Variants in JAKMIP2 observed in about 807,000 individuals in gnomAD.
The protein encoded by JAKMIP2 is janus kinase and microtubule-interacting protein 2.
Under a neutral mutation model 115.0 loss-of-function variants are expected in JAKMIP2, and 25 were observed. That is an observed-to-expected ratio of 0.22 (90% CI 0.16 to 0.30). JAKMIP2 has a LOEUF of 0.30. Ranked by LOEUF, JAKMIP2 falls within the 10% of genes least tolerant of loss-of-function variation. The pLI is 1.00. For synonymous variants in JAKMIP2, 334 were observed against 343.6 expected, an observed-to-expected ratio of 0.97 and a Z score of 0.31; for missense variants, 642 against 957.6, an observed-to-expected ratio of 0.67 and a Z score of 4.35.
intron 1 of JAKMIP2, among the ~76,000 whole-genome samples, chr5:147,731,077 T>A (rs1375809432): frequency 6.6e-6 from 1 of 152,100 alleles, no homozygotes; most frequent in Non-Finnish European, 1.5e-5. Context: ...ACAAAATGAA[T>A]GGGCAGGAAA....
chr5:147,667,036 T>G, intron 2 of JAKMIP2, among the ~76,000 whole-genome samples: 1 of 152,154 alleles, frequency 6.6e-6, no homozygotes, highest in East Asian at 1.9e-4. Context: ...ATTAAGATGG[T>G]AACTGTTTTT....
At chr5:147,611,291 T>A (rs866744699) in intron 20 of JAKMIP2, among the ~76,000 whole-genome samples, 8 of 152,306 alleles carry the variant, frequency 5.3e-5, no homozygotes, top group Middle Eastern at 6.8e-3. Context: ...AGTTTTGTGC[T>A]TGAAACCCAG....
intron 3 of JAKMIP2, among the ~76,000 whole-genome samples, chr5:147,658,181 T>G (rs1391000333): frequency 1.7e-4 from 26 of 152,176 alleles, no homozygotes; most frequent in Admixed American, 1.7e-3. Context: ...GGGGTTTTTG[T>G]GGGAGGGTCT....
chr5:147,781,774 C>T lies in JAKMIP2; in HGVS notation c.-149+682G>A, dbSNP rs539989696. Among the ~76,000 whole-genome samples, 131 of 152,172 alleles carry T rather than the reference C, an allele frequency of 8.6e-4. 1 individual carries two copies. Among genetic ancestry groups the T allele is most frequent in the African/African-American group, 2.9e-3 (122 of 41,528 alleles). On this transcript the variant is annotated intron_variant, in intron 1 of 21. Coordinates refer to ENST00000616793, the MANE Select transcript of JAKMIP2 (RefSeq NM_001270941.2). ...CAGGCATGCAAGGACATATGTAACCCATAAAAATGGTTGCAAAGCACACCC... is the reference window on the plus strand; with the variant it reads ...CAGGCATGCAAGGACATATGTAACCTATAAAAATGGTTGCAAAGCACACCC...
At chr5:147,689,756 T>C (rs540781981) in intron 1 of JAKMIP2, among the ~76,000 whole-genome samples, 4 of 152,294 alleles carry the variant, frequency 2.6e-5, no homozygotes, top group Admixed American at 6.5e-5. Flanking sequence ...ATTAAGAGGA[T>C]AATAGTTACA....
chr5:147,723,719 T>C (rs951302874), intron 1 of JAKMIP2, among the ~76,000 whole-genome samples: 1 of 152,200 alleles, frequency 6.6e-6, no homozygotes, highest in South Asian at 2.1e-4. Context: ...GCAGTCTGTA[T>C]AACCATTATT....
chr5:147,648,674 G>C (rs891893834), intron 4 of JAKMIP2, among the ~76,000 whole-genome samples, 200 bp from the exon 5 acceptor site: 1 of 152,104 alleles, frequency 6.6e-6, no homozygotes, highest in African/African-American at 2.4e-5. Flanking sequence ...TGAAGACCAC[G>C]CCAGGTTGTA....
chr5:147,707,629 T>G (rs1752630476), intron 1 of JAKMIP2, among the ~76,000 whole-genome samples: 1 of 152,148 alleles, frequency 6.6e-6, no homozygotes, highest in African/African-American at 2.4e-5. Flanking sequence ...TGGTACACTC[T>G]CCCTGGTAAC....
chr5:147,664,079 T>C (rs1759173862), intron 2 of JAKMIP2, among the ~76,000 whole-genome samples: 1 of 152,234 alleles, frequency 6.6e-6, no homozygotes, highest in Non-Finnish European at 1.5e-5. Flanking sequence ...TTCTAAACGA[T>C]ATTATTACAA....
intron 1 of JAKMIP2, among the ~76,000 whole-genome samples, chr5:147,681,095 C>T (rs1660663442): frequency 6.6e-6 from 1 of 152,010 alleles, no homozygotes; most frequent in Admixed American, 6.5e-5. Flanking sequence ...GAAAAGAATG[C>T]TATATAAATA....
At position 147,585,970 on chromosome 5, in the gene JAKMIP2, A is replaced by T. The variant is rs899676390; in HGVS notation, c.*5737T>A. ...CTGAACTTTCTGTTGCTCTTTCAAA[A>T]AAAAGAAACATCAACCAACCAACCA... On this transcript the variant is annotated 3_prime_UTR_variant, in exon 22 of 22. Coordinates refer to ENST00000616793, the MANE Select transcript of JAKMIP2 (RefSeq NM_001270941.2). 2.0e-5 allele frequency: 3 copies of T among 151,774 alleles called. No individual in the cohort carries two copies. Among genetic ancestry groups the T allele is most frequent in the East Asian group, 4.0e-4 (2 of 5,036 alleles). The allele number at this position is 151,774 out of a possible 1,614,324, so 9.4% of individuals were successfully genotyped here.
At chr5:147,605,602 C>T (rs1034630763) in intron 20 of JAKMIP2, among the ~76,000 whole-genome samples, 2 of 152,100 alleles carry the variant, frequency 1.3e-5, no homozygotes, top group African/African-American at 2.4e-5. Flanking sequence ...AATAAACATA[C>T]GTGTGCATAG....
intron 1 of JAKMIP2, among the ~76,000 whole-genome samples, chr5:147,695,382 A>ATGAGG (rs1392239992): frequency 6.6e-6 from 1 of 152,158 alleles, no homozygotes; most frequent in Non-Finnish European, 1.5e-5. Context: ...CTCCAGATAG[A>ATGAGG]TGAGGTTTAT....
In JAKMIP2 at chr5:147,590,290, T is replaced by C. The variant is rs1755049615; in HGVS notation, c.*1417A>G. ...AATAAAACTTCAAAAATTTGAAAAATTGAGGTTGTTCTGTTATCTACAGTA... is the reference window on the plus strand; with the variant it reads ...AATAAAACTTCAAAAATTTGAAAAACTGAGGTTGTTCTGTTATCTACAGTA... On this transcript the variant is annotated 3_prime_UTR_variant, in exon 22 of 22. Transcript: ENST00000616793. The C allele has an allele frequency of 6.6e-6, 1 of 152,172 alleles. No homozygotes were observed. Among genetic ancestry groups the C allele is most frequent in the African/African-American group, 2.4e-5 (1 of 41,432 alleles). 9.4% of individuals were successfully genotyped at this position (152,172 alleles called of 1,614,324 possible). A position where few individuals can be genotyped will look rare whatever the true frequency, so the allele number is the denominator to read the frequency against.
intron 1 of JAKMIP2, among the ~76,000 whole-genome samples, chr5:147,720,982 A>G (rs1382135862): frequency 6.6e-6 from 1 of 151,260 alleles, no homozygotes; most frequent in Non-Finnish European, 1.5e-5. Context: ...TTGTGGTTTT[A>G]TCTACTTTTG....
At chr5:147,766,585 T>G (rs1007900542) in intron 1 of JAKMIP2, among the ~76,000 whole-genome samples, 3 of 152,070 alleles carry the variant, frequency 2.0e-5, no homozygotes, top group African/African-American at 7.2e-5. Flanking sequence ...AAATAACAAC[T>G]GTGGGAAAAG....
chr5:147,612,782 A>G (rs1353648847), intron 19 of JAKMIP2, among the ~76,000 whole-genome samples: 1 of 152,208 alleles, frequency 6.6e-6, no homozygotes, highest in African/African-American at 2.4e-5. Flanking sequence ...GTAGACAGCA[A>G]GAAACAAGCT....
At chr5:147,637,719 CA>C (rs1581333422) in intron 10 of JAKMIP2, among the ~76,000 whole-genome samples, 2 of 152,152 alleles carry the variant, frequency 1.3e-5, no homozygotes, top group East Asian at 3.9e-4. Context: ...CCGGCCTTTC[CA>C]TTCTTTCAGA....
chr5:147,648,614 A>G (rs1157779280), intron 4 of JAKMIP2, 140 bp from the exon 5 acceptor site: 3 of 605,912 alleles, frequency 5.0e-6, no homozygotes, highest in Admixed American at 5.9e-5. Flanking sequence ...TCTTTTATCC[A>G]AAGAGTAAAT....
Sources: gnomAD v4.1 joint callset for allele counts (sites outside exome capture counted in the v4.1 genomes callset) on GRCh38, gnomAD v4.1.1 for gene constraint, MANE v1.5 for transcripts, NCBI Gene and HGNC (gene_info 2026-07-23, HGNC 2026-07-21) for gene names.